Variants in ZBTB16 observed in about 807,000 individuals in gnomAD.
ZBTB16 encodes the protein zinc finger and BTB domain-containing protein 16.
Under a neutral mutation model 56.8 loss-of-function variants are expected in ZBTB16, and 8 were observed. The observed-to-expected ratio is 0.14, with a 90% CI of 0.08 to 0.25. The LOEUF (loss-of-function observed/expected upper bound fraction) is 0.25. Among genes scored for constraint, ZBTB16 ranks in the 10% least tolerant of loss-of-function variants. The pLI is 1.00. For synonymous variants in ZBTB16, 363 were observed against 368.5 expected (o/e 0.98, Z 0.17); for missense variants, 625 against 903.0 (o/e 0.69, Z 3.95).
At chr11:114,247,129 G>T (rs1944830488) in intron 5 of ZBTB16, 69 bp from the exon 6 acceptor site, 1 of 1,610,066 alleles carries the variant, frequency 6.2e-7, no homozygotes, top group Admixed American at 1.7e-5. Context: ...TGCACAGAAT[G>T]TGCCCTACTG....
intron 3 of ZBTB16, among the ~76,000 whole-genome samples, chr11:114,180,018 G>A (rs1391069242): frequency 2.6e-5 from 4 of 152,178 alleles, no homozygotes; most frequent in Non-Finnish European, 4.4e-5. Context: ...TTTGATTCCT[G>A]TGAGTTGGGG....
At chr11:114,122,430 C>T (rs891387680) in intron 2 of ZBTB16, among the ~76,000 whole-genome samples, 31 of 152,184 alleles carry the variant, frequency 2.0e-4, no homozygotes, top group Middle Eastern at 3.4e-3. Flanking sequence ...TTAAAGATCA[C>T]GACGTCTATG....
chr11:114,095,245 CTT>C (rs745895999), intron 2 of ZBTB16, among the ~76,000 whole-genome samples: 41 of 90,448 alleles, frequency 4.5e-4, no homozygotes, highest in African/African-American at 2.0e-3. Flanking sequence ...CTTTTCTTTT[CTT>C]TTTTTTTTTT....
intron 3 of ZBTB16, among the ~76,000 whole-genome samples, chr11:114,173,038 G>A (rs996150440): frequency 1.3e-5 from 2 of 152,172 alleles, no homozygotes. Context: ...AGGGGGTAAG[G>A]AAGCCAGACT....
chr11:114,240,442 A>C, intron 4 of ZBTB16, among the ~76,000 whole-genome samples: 1 of 150,816 alleles, frequency 6.6e-6, no homozygotes, highest in Non-Finnish European at 1.5e-5. Context: ...CAGCAGCCAA[A>C]GCTTTACCCC....
intron 3 of ZBTB16, among the ~76,000 whole-genome samples, chr11:114,159,382 G>C (rs1942514072): frequency 6.6e-6 from 1 of 152,190 alleles, no homozygotes; most frequent in Non-Finnish European, 1.5e-5. Flanking sequence ...AATGCCCTTG[G>C]AAAGGATGAT....
intron 3 of ZBTB16, among the ~76,000 whole-genome samples, chr11:114,176,840 G>A (rs1021308197): frequency 1.3e-5 from 2 of 152,168 alleles, no homozygotes; most frequent in African/African-American, 4.8e-5. Flanking sequence ...TCTTGGGTGC[G>A]CTGGCCAGCA....
intron 2 of ZBTB16, among the ~76,000 whole-genome samples, chr11:114,106,853 C>T (rs1157915103): frequency 1.3e-5 from 2 of 152,102 alleles, no homozygotes; most frequent in Admixed American, 6.5e-5. Context: ...TTGTGACTTC[C>T]CTATGGCATT....
chr11:114,071,020 GT>G (rs1026046574), intron 2 of ZBTB16, among the ~76,000 whole-genome samples: 1 of 152,064 alleles, frequency 6.6e-6, no homozygotes. Flanking sequence ...CATTGACATC[GT>G]TTTTTTCATC....
intron 3 of ZBTB16, among the ~76,000 whole-genome samples, chr11:114,176,295 C>T (rs1278876242): frequency 6.6e-6 from 1 of 152,262 alleles, no homozygotes; most frequent in East Asian, 1.9e-4. Flanking sequence ...ATGGCAGAAA[C>T]CCTTACTCTT....
intron 2 of ZBTB16, among the ~76,000 whole-genome samples, chr11:114,108,329 G>T (rs1050270745): frequency 1.3e-5 from 2 of 152,184 alleles, no homozygotes; most frequent in Non-Finnish European, 2.9e-5. Flanking sequence ...AGCATCTAGA[G>T]AATCCCTTTT....
chr11:114,088,334 G>A (rs986775887), intron 2 of ZBTB16, among the ~76,000 whole-genome samples: 2 of 151,920 alleles, frequency 1.3e-5, no homozygotes, highest in Non-Finnish European at 2.9e-5. Context: ...TAGAGATGCG[G>A]TTTCGCCATG....
intron 4 of ZBTB16, among the ~76,000 whole-genome samples, chr11:114,220,076 C>T (rs1944198213): frequency 1.3e-5 from 2 of 152,152 alleles, no homozygotes; most frequent in East Asian, 3.9e-4. Flanking sequence ...CTTTGGCCTC[C>T]GTCAAAGGGA....
rs116329745 is a variant in ZBTB16, at chr11:114,089,388, G to A, written c.1268+24820G>A. Among the ~76,000 whole-genome samples the A allele has an allele frequency of 4.4e-3, 668 of 152,272 alleles. 5 individuals carry two copies. Among genetic ancestry groups the A allele is most frequent in the Middle Eastern group, 0.017 (5 of 294 alleles). ...TTGGTTAACCCAGTTGTTATACCAC[G>A]ATATTGATTTTTCATGCCATTTTCT... is the stretch of plus-strand genomic sequence containing the variant. On this transcript the variant is annotated intron_variant, in intron 2 of 6. Transcript: ENST00000335953.
intron 2 of ZBTB16, among the ~76,000 whole-genome samples, chr11:114,088,280 T>C (rs375056391): frequency 6.6e-6 from 1 of 152,032 alleles, no homozygotes; most frequent in African/African-American, 2.4e-5. Flanking sequence ...TAGCTGAGAT[T>C]ACAGACATGC....
At chr11:114,111,457 G>A (rs1053732108) in intron 2 of ZBTB16, among the ~76,000 whole-genome samples, 1 of 152,064 alleles carries the variant, frequency 6.6e-6, no homozygotes, top group Non-Finnish European at 1.5e-5. Flanking sequence ...ACTGCCTAGC[G>A]CTGCGAACCA....
intron 3 of ZBTB16, 71 bp from the exon 4 acceptor site, chr11:114,186,881 T>C (rs1943372218): frequency 6.8e-7 from 1 of 1,465,502 alleles, no homozygotes. Flanking sequence ...ACCTGCACAG[T>C]TGTGGCCCAG....
At chr11:114,211,788 G>A (rs1380574929) in intron 4 of ZBTB16, among the ~76,000 whole-genome samples, 2 of 152,298 alleles carry the variant, frequency 1.3e-5, no homozygotes, top group East Asian at 1.9e-4. Context: ...GGGATTGGGA[G>A]GGCAGAGCGC....
At chr11:114,062,577 G>A (rs1224116933) in intron 1 of ZBTB16, among the ~76,000 whole-genome samples, 1 of 152,224 alleles carries the variant, frequency 6.6e-6, no homozygotes, top group East Asian at 1.9e-4. Flanking sequence ...GTCTGCCAGT[G>A]CTTTGCAGCC....
Sources: gnomAD v4.1 joint callset for allele counts (sites outside exome capture counted in the v4.1 genomes callset) on GRCh38, gnomAD v4.1.1 for gene constraint, MANE v1.5 for transcripts, NCBI Gene and HGNC (gene_info 2026-07-23, HGNC 2026-07-21) for gene names.